CHRNA4: variants seen among roughly 807,000 people sequenced by gnomAD.
CHRNA4 encodes cholinergic receptor nicotinic alpha 4 subunit.
Under a neutral mutation model 48.9 loss-of-function variants are expected in CHRNA4, and 28 were observed. The observed-to-expected ratio is 0.57, with a 90% CI of 0.42 to 0.79. The LOEUF is 0.79. Ranked by LOEUF, CHRNA4 falls within the 30% of genes least tolerant of loss-of-function variation. The pLI is 0.00. For missense variants in CHRNA4, 859 were observed against 898.4 expected, an observed-to-expected ratio of 0.96 and a Z score of 0.56; for synonymous variants, 425 against 402.3, an observed-to-expected ratio of 1.06 and a Z score of -0.68.
intron 5 of CHRNA4, among the ~76,000 whole-genome samples, chr20:63,349,204 C>T (rs2123468551): frequency 6.6e-6 from 1 of 152,250 alleles, no homozygotes; most frequent in Non-Finnish European, 1.5e-5. Flanking sequence ...TACATCCAGG[C>T]CCCAGATACG....
Position 63,344,901 on chromosome 20 carries a change from G to C in CHRNA4, c.*1837C>G. 4.9e-6 allele frequency: 2 copies of C among 406,668 alleles called. No individual in the cohort carries two copies. The highest frequency in any genetic ancestry group is 1.8e-5 in the South Asian group (1 of 56,210). 25.2% of individuals were successfully genotyped at this position (406,668 alleles called of 1,614,324 possible). Reference sequence around the variant, plus strand: ...GGGGTCCTGAATACACGGGGGATGTGGGAGGGGCCAGGGGGCTGGGGATGC... The same window carrying C: ...GGGGTCCTGAATACACGGGGGATGTCGGAGGGGCCAGGGGGCTGGGGATGC... On this transcript the variant is annotated 3_prime_UTR_variant, in exon 6 of 6. Transcript: ENST00000370263. This position sits in a 1 kb window ranked among gnomAD's most constrained non-coding sequence, Gnocchi z 4.5.
chr20:63,343,422 G>A lies in CHRNA4; in HGVS notation c.*3316C>T. On this transcript the variant is annotated 3_prime_UTR_variant, in exon 6 of 6. Coordinates refer to ENST00000370263, the MANE Select transcript of CHRNA4 (RefSeq NM_000744.7). ...TGCTGCGCCTGATCCAGCATTTCTG[G>A]TGCAAGGTGAAAGGACTCAGCCACT... The A allele has an allele frequency of 2.2e-6, 1 of 454,114 alleles. No homozygotes were observed. The highest frequency in any genetic ancestry group is 4.4e-6 in the Non-Finnish European group (1 of 226,790). The allele number at this position is 454,114 out of a possible 1,614,324, so 28.1% of individuals were successfully genotyped here.
chr20:63,343,284 T>C lies in CHRNA4; in HGVS notation c.*3454A>G, dbSNP rs1484274444. The C allele has an allele frequency of 2.3e-6, 1 of 444,060 alleles. No homozygotes were observed. Among genetic ancestry groups the C allele is most frequent in the African/African-American group, 2.0e-5 (1 of 49,886 alleles). The allele number at this position is 444,060 out of a possible 1,614,324, so 27.5% of individuals were successfully genotyped here. On this transcript the variant is annotated 3_prime_UTR_variant, in exon 6 of 6. Transcript: ENST00000370263. Reference sequence around the variant, plus strand: ...CACACTGGGAGCACATTCCAGGGCTTGGCAGACATTGCCTGCAGAAGCCGG... The same window carrying C: ...CACACTGGGAGCACATTCCAGGGCTCGGCAGACATTGCCTGCAGAAGCCGG...
At position 63,344,965 on chromosome 20, in the gene CHRNA4, C is replaced by T. The variant is rs939171975; in HGVS notation, c.*1773G>A. On this transcript the variant is annotated 3_prime_UTR_variant, in exon 6 of 6. Coordinates refer to ENST00000370263, the MANE Select transcript of CHRNA4 (RefSeq NM_000744.7). This position sits in a 1 kb window ranked among gnomAD's most constrained non-coding sequence, Gnocchi z 4.5. ...CGGGGGTCTCTGTGTCCCACCCACT[C>T]CTGGCACAAAAGCCCCAGCCTCAGG... The T allele has an allele frequency of 9.6e-6, 4 of 417,192 alleles. No individual in the cohort carries two copies. The highest frequency in any genetic ancestry group is 1.7e-5 in the South Asian group (1 of 58,888). The allele number at this position is 417,192 out of a possible 1,614,324, so 25.8% of individuals were successfully genotyped here.
intron 5 of CHRNA4, among the ~76,000 whole-genome samples, chr20:63,349,071 C>G (rs969580332): frequency 1.3e-5 from 2 of 152,074 alleles, no homozygotes; most frequent in Non-Finnish European, 2.9e-5. Context: ...CTGCCCCCAG[C>G]CCCTGGCTCT....
At chr20:63,356,684 C>G (rs1025617234) in intron 2 of CHRNA4, 5 of 565,724 alleles carry the variant, frequency 8.8e-6, no homozygotes, top group African/African-American at 7.5e-5. Flanking sequence ...GCTTCCCCAG[C>G]TAAGGACAGG....
chr20:63,349,564 C>T (rs924842144), intron 5 of CHRNA4, 89 bp downstream of exon 5: 11 of 1,539,306 alleles, frequency 7.1e-6, no homozygotes, highest in South Asian at 1.1e-5. Flanking sequence ...GGCCTGGGCC[C>T]GGCTCCTGGA....
rs1281969107 is a variant in CHRNA4 at position 63,343,906 on chromosome 20, C to T, written c.*2832G>A. 2.2e-6 allele frequency: 1 copy of T among 454,162 alleles called. No individual in the cohort carries two copies. The highest frequency in any genetic ancestry group is 6.9e-5 in the East Asian group (1 of 14,404). The allele number at this position is 454,162 out of a possible 1,614,324, so 28.1% of individuals were successfully genotyped here. A position where few individuals can be genotyped will look rare whatever the true frequency, so the allele number is the denominator to read the frequency against. Reference sequence around the variant, plus strand: ...GTGGGTTCTAGGCAAGCTGTCCACCCCCGGGAACTAACTGGCCCTAGGAGG... The same window carrying T: ...GTGGGTTCTAGGCAAGCTGTCCACCTCCGGGAACTAACTGGCCCTAGGAGG... On this transcript the variant is annotated 3_prime_UTR_variant, in exon 6 of 6. Transcript: ENST00000370263.
chr20:63,350,424 G>A lies in CHRNA4; in HGVS notation c.987C>T (p.Asn329=), dbSNP rs572366184. The stretch of plus-strand genomic sequence containing the variant: ...GCGTGCGTGGCGAGCGGTGGTGCAC[G>A]TTGAGCACGAAGACCGTGATGACGA... The part of the protein sequence containing the change: ...LSIVITVFVL[N]VHHRSPRTHT... The change falls in exon 5 of 6, where the codon AAC becomes AAT. Residue 329 remains asparagine, a synonymous_variant. Coordinates refer to ENST00000370263, the MANE Select transcript of CHRNA4 (RefSeq NM_000744.7). 1.2e-5 allele frequency: 20 copies of A among 1,613,968 alleles called. No individual in the cohort carries two copies. Among genetic ancestry groups the A allele is most frequent in the South Asian group, 5.5e-5 (5 of 91,088 alleles).
At position 63,346,594 on chromosome 20, in the gene CHRNA4, C is replaced by T. The variant is rs199879109; in HGVS notation, c.*144G>A. ...CGTGTCCCCGTCCAAGGCCGTCTTA[C>T]AGCAGACACAGAACAGGAAGGAAAA... On this transcript the variant is annotated 3_prime_UTR_variant, in exon 6 of 6. Coordinates refer to ENST00000370263, the MANE Select transcript of CHRNA4 (RefSeq NM_000744.7). 4.2e-6 allele frequency: 5 copies of T among 1,197,158 alleles called. No homozygotes were observed. Among genetic ancestry groups the T allele is most frequent in the East Asian group, 2.5e-5 (1 of 39,272 alleles). 74.2% of individuals were successfully genotyped at this position (1,197,158 alleles called of 1,614,324 possible).
At chr20:63,354,310 G>GC (rs2068684500) in intron 4 of CHRNA4, among the ~76,000 whole-genome samples, 1 of 110,710 alleles carries the variant, frequency 9.0e-6, no homozygotes, top group South Asian at 3.4e-4. Context: ...TGTGGTCCTG[G>GC]GGGGGAGCTG....
intron 4 of CHRNA4, among the ~76,000 whole-genome samples, chr20:63,355,199 G>A (rs1488188162): frequency 3.3e-5 from 5 of 152,170 alleles, no homozygotes; most frequent in African/African-American, 9.7e-5. Context: ...GCTGGCTGCC[G>A]GGCGCAGGGC....
chr20:63,352,404 C>T (rs6011776), intron 4 of CHRNA4, among the ~76,000 whole-genome samples: 118,231 of 152,062 alleles, frequency 0.78, 47,862 homozygotes, highest in Non-Finnish European at 0.88. Flanking sequence ...CCTCTGCCCC[C>T]CTGAACTGGT....
chr20:63,356,023 CG>C lies in CHRNA4; in HGVS notation c.334del (p.Arg112AlafsTer27). The C allele has an allele frequency of 6.2e-7, 1 of 1,607,990 alleles. No individual in the cohort carries two copies. The stretch of plus-strand genomic sequence containing the variant: ...CCGCCAGATGAGCTCGGAGGGGATG[CG>C]GATGGAGGTGACATTCTCATAGTCA... The part of the protein sequence containing the change: ...PADYENVTSI[R>X]IPSELIWRPD... On this transcript the variant is annotated frameshift_variant, in exon 4 of 6. Coordinates refer to ENST00000370263, the MANE Select transcript of CHRNA4 (RefSeq NM_000744.7). LOFTEE classifies it high-confidence loss of function.
Position 63,350,320 on chromosome 20 carries a change from A to T in CHRNA4, c.1091T>A (p.Val364Asp). 6.2e-7 allele frequency: 1 copy of T among 1,613,270 alleles called. No individual in the cohort carries two copies. Among genetic ancestry groups the T allele is most frequent in the Non-Finnish European group, 8.5e-7 (1 of 1,180,014 alleles). The change falls in exon 5 of 6, where the codon GTC becomes GAC. Residue 364 changes from valine to aspartate, a missense_variant. This residue lies in a region of CHRNA4 where 478 missense variants were observed against 455.4 expected (regional missense o/e 1.05). Transcript: ENST00000370263. ...GATGAGCCGCCGGCAATTGTCCTTG[A>T]CCACGGACGGCCGCTTCATGAGGAG... is the stretch of plus-strand genomic sequence containing the variant. The part of the protein sequence containing the change: ...RLLLMKRPSV[V>D]KDNCRRLIES...
chr20:63,359,431 C>T (rs540283997), intron 2 of CHRNA4, 117 bp downstream of exon 2: 38 of 1,341,246 alleles, frequency 2.8e-5, no homozygotes, highest in East Asian at 1.4e-4. Context: ...CAGCCCGGGC[C>T]GGACACTCAC....
intron 5 of CHRNA4, among the ~76,000 whole-genome samples, chr20:63,347,292 C>T (rs990121278): frequency 6.6e-6 from 1 of 152,224 alleles, no homozygotes; most frequent in East Asian, 1.9e-4. Flanking sequence ...CCCCGTTTTG[C>T]AGATGGGCAA....
intron 4 of CHRNA4, among the ~76,000 whole-genome samples, chr20:63,352,716 C>T (rs959298033): frequency 2.0e-5 from 3 of 152,218 alleles, no homozygotes; most frequent in African/African-American, 7.2e-5. Context: ...CTACAGGGAA[C>T]GCCAGGGCCA....
rs199915426 is a variant in CHRNA4, at chr20:63,350,976, A to G, written c.435T>C (p.His145=). ...VTHLTKAHLF[H]DGRVQWTPPA... ...GGGGAGTCCACTGCACCCGCCCGTC[A>G]TGGAACAGGTGGGCCTTGGTCAGGT... The change falls in exon 5 of 6, where the codon CAT becomes CAC. Residue 145 remains histidine (H), a synonymous_variant. Transcript: ENST00000370263. The G allele has an allele frequency of 3.1e-6, 5 of 1,613,714 alleles. No individual in the cohort carries two copies. In the East Asian group the frequency reaches 1.1e-4, roughly 36 times the overall value.
Sources: gnomAD v4.1 joint callset for allele counts (sites outside exome capture counted in the v4.1 genomes callset) on GRCh38, gnomAD v4.1.1 for gene constraint, gnomAD v4.1.1 regional missense constraint, Gnocchi (gnomAD v3.1) non-coding constraint, MANE v1.5 for transcripts, NCBI Gene and HGNC (gene_info 2026-07-23, HGNC 2026-07-21) for gene names.